Variants in NCKAP5 observed in about 807,000 individuals in gnomAD.
NCKAP5 encodes the protein NCK associated protein 5, also known as nck-associated protein 5.
NCKAP5 carries 92 observed loss-of-function variants against 167.0 expected under a neutral mutation model. That is an observed-to-expected ratio of 0.55 (90% CI 0.47 to 0.66). The LOEUF (loss-of-function observed/expected upper bound fraction) is 0.66. Among genes scored for constraint, NCKAP5 ranks in the 30% least tolerant of loss-of-function variants. NCKAP5 has a pLI of 0.00. For missense variants in NCKAP5, 2,378 were observed against 2,315.0 expected, an observed-to-expected ratio of 1.03 and a Z score of -0.56; for synonymous variants, 891 against 877.4, an observed-to-expected ratio of 1.02 and a Z score of -0.27.
chr2:133,468,743 T>C (rs1212944553), intron 3 of NCKAP5, among the ~76,000 whole-genome samples: 1 of 152,250 alleles, frequency 6.6e-6, no homozygotes, highest in Non-Finnish European at 1.5e-5. Flanking sequence ...CTTGTTGAAT[T>C]GATCCCTTTA....
chr2:132,985,994 G>A (rs1215567347), intron 7 of NCKAP5, among the ~76,000 whole-genome samples: 1 of 151,954 alleles, frequency 6.6e-6, no homozygotes, highest in Non-Finnish European at 1.5e-5. Flanking sequence ...CCCAGCCTGT[G>A]TGCACTCAGT....
intron 3 of NCKAP5, among the ~76,000 whole-genome samples, chr2:133,514,619 C>G (rs985852668): frequency 1.3e-5 from 2 of 152,168 alleles, no homozygotes; most frequent in Non-Finnish European, 2.9e-5. Context: ...CCTGTAAAAT[C>G]TGAAAGTGGA....
intron 6 of NCKAP5, among the ~76,000 whole-genome samples, chr2:133,037,578 T>A (rs1573826172): frequency 1.3e-5 from 2 of 152,100 alleles, no homozygotes; most frequent in African/African-American, 4.8e-5. Context: ...ATGGTACCGG[T>A]GAAACTGGAC....
intron 4 of NCKAP5, among the ~76,000 whole-genome samples, chr2:133,257,658 C>G (rs1431071916): frequency 2.6e-5 from 4 of 152,092 alleles, no homozygotes; most frequent in Non-Finnish European, 4.4e-5. Flanking sequence ...ACATAAATAG[C>G]TGAAAGGCCA....
chr2:132,761,173 G>C (rs1218601186), intron 16 of NCKAP5, among the ~76,000 whole-genome samples: 2 of 149,548 alleles, frequency 1.3e-5, no homozygotes, highest in East Asian at 3.8e-4. Context: ...TTTATGCCGG[G>C]GAGGGGCTTG....
chr2:133,152,106 C>A (rs1031988088), intron 5 of NCKAP5, among the ~76,000 whole-genome samples: 44 of 152,280 alleles, frequency 2.9e-4, no homozygotes, highest in African/African-American at 9.6e-4. Context: ...AAGTAAAATG[C>A]AGGGTAGCTC....
At chr2:132,841,637 G>GTT (rs147570746) in intron 11 of NCKAP5, among the ~76,000 whole-genome samples, 2 of 151,766 alleles carry the variant, frequency 1.3e-5, no homozygotes, top group Non-Finnish European at 2.9e-5. Context: ...CACATTTGCT[G>GTT]TTTTTTTCTG....
At chr2:132,692,671 AGTT>A (rs1027743881) in intron 19 of NCKAP5, among the ~76,000 whole-genome samples, 3 of 152,116 alleles carry the variant, frequency 2.0e-5, no homozygotes, top group African/African-American at 7.2e-5. Context: ...ACCAAGAAAT[AGTT>A]GTCTTATTAA....
At chr2:132,713,291 C>G (rs1433219986) in intron 19 of NCKAP5, among the ~76,000 whole-genome samples, 1 of 152,138 alleles carries the variant, frequency 6.6e-6, no homozygotes, top group African/African-American at 2.4e-5. Context: ...CTCCACGTAG[C>G]AGAGACTGCT....
At chr2:133,255,864 G>A (rs949895694) in intron 4 of NCKAP5, among the ~76,000 whole-genome samples, 3 of 152,140 alleles carry the variant, frequency 2.0e-5, no homozygotes, top group African/African-American at 7.2e-5. Flanking sequence ...TTAAAAACAA[G>A]TGTTTAATTA....
chr2:133,436,552 G>C (rs1036943951), intron 3 of NCKAP5, among the ~76,000 whole-genome samples: 1 of 152,174 alleles, frequency 6.6e-6, no homozygotes, highest in Non-Finnish European at 1.5e-5. Context: ...GGCCTTTCTA[G>C]TCATGTACTG....
chr2:133,626,732 T>C, the NCKAP5 span, among the ~76,000 whole-genome samples: 2 of 152,008 alleles, frequency 1.3e-5, no homozygotes. Context: ...AACCTGGAAG[T>C]AGTAAGAAAG....
At chr2:133,334,549 A>T (rs988613133) in intron 3 of NCKAP5, among the ~76,000 whole-genome samples, 1 of 152,192 alleles carries the variant, frequency 6.6e-6, no homozygotes, top group Admixed American at 6.5e-5. Flanking sequence ...ATTCAAGACC[A>T]CGACTGTCCA....
At chr2:133,461,883 A>G (rs989154751) in intron 3 of NCKAP5, among the ~76,000 whole-genome samples, 3 of 139,970 alleles carry the variant, frequency 2.1e-5, no homozygotes, top group Non-Finnish European at 4.6e-5. Context: ...AATATTTCCA[A>G]TATCAAAGTC....
chr2:133,155,768 A>T (rs913532923), intron 5 of NCKAP5, among the ~76,000 whole-genome samples: 10 of 152,206 alleles, frequency 6.6e-5, no homozygotes, highest in African/African-American at 2.4e-4. Flanking sequence ...GGAAGAGGGA[A>T]TTCTGCCACA....
intron 6 of NCKAP5, among the ~76,000 whole-genome samples, chr2:133,035,385 T>C (rs1396571442): frequency 6.6e-6 from 1 of 151,992 alleles, no homozygotes; most frequent in Non-Finnish European, 1.5e-5. Context: ...AACATTAGAC[T>C]TAATCTGTAC....
chr2:132,965,604 CACACAT>C (rs1352112623), intron 7 of NCKAP5, among the ~76,000 whole-genome samples: 1 of 151,910 alleles, frequency 6.6e-6, no homozygotes, highest in Non-Finnish European at 1.5e-5. Flanking sequence ...TACATATATC[CACACAT>C]ACACATACAC....
In NCKAP5 at chr2:133,517,391, A is replaced by C. The variant is rs1684090691; in HGVS notation, c.69+67T>G. On this transcript the variant is annotated intron_variant, in intron 3 of 19. Coordinates refer to ENST00000409261, the MANE Select transcript of NCKAP5 (RefSeq NM_207363.3). ...TTCAAAAGCACAGCGTTCAGGAAAT[A>C]ACAGTCAAAGAATAATGCATTCAAA... The C allele has an allele frequency of 3.8e-6, 3 of 781,030 alleles. No individual in the cohort carries two copies. In the South Asian group the frequency reaches 9.0e-5, roughly 23 times the overall value. The allele number at this position is 781,030 out of a possible 1,614,324, so 48.4% of individuals were successfully genotyped here.
Position 132,691,716 on chromosome 2 carries a change from A to G in NCKAP5, c.5714-18411T>C, listed in dbSNP as rs1042136937. On this transcript the variant is annotated intron_variant, in intron 19 of 19. Coordinates refer to ENST00000409261, the MANE Select transcript of NCKAP5 (RefSeq NM_207363.3). ...AATCACAAATGACATCTCCGACCAGAAACATTCCAACAATAAGATAAACCC... is the reference window on the plus strand; with the variant it reads ...AATCACAAATGACATCTCCGACCAGGAACATTCCAACAATAAGATAAACCC... Among the ~76,000 whole-genome samples the G allele has an allele frequency of 2.0e-5, 3 of 152,286 alleles. No individual in the cohort carries two copies. The East Asian group carries it at 5.8e-4, about 29-fold the overall frequency.
Sources: gnomAD v4.1 joint callset for allele counts (sites outside exome capture counted in the v4.1 genomes callset) on GRCh38, gnomAD v4.1.1 for gene constraint, MANE v1.5 for transcripts, NCBI Gene and HGNC (gene_info 2026-07-23, HGNC 2026-07-21) for gene names.